The following RAD51B variants were observed in gnomAD, a reference collection of about 807,000 sequenced individuals.
RAD51B encodes DNA repair protein RAD51 homolog 2.
In RAD51B, 38 loss-of-function variants were observed where a neutral mutation model predicts 42.2. That is an observed-to-expected ratio of 0.90 (90% confidence interval 0.70 to 1.18). RAD51B has a LOEUF of 1.18. Ranked by LOEUF, RAD51B falls within the 50% of genes most tolerant of loss-of-function variation. RAD51B has a pLI of 0.00. For synonymous variants in RAD51B, 154 were observed against 145.2 expected (o/e 1.06, Z -0.43); for missense variants, 373 against 400.7 (o/e 0.93, Z 0.59).
At chr14:68,090,246 A>G (rs1192285748) in intron 7 of RAD51B, among the ~76,000 whole-genome samples, 1 of 152,206 alleles carries the variant, frequency 6.6e-6, no homozygotes, top group East Asian at 1.9e-4. Flanking sequence ...GCTCTTGGGA[A>G]CAGATTACTA....
intron 10 of RAD51B, among the ~76,000 whole-genome samples, chr14:68,588,430 C>T (rs2140072556): frequency 6.6e-6 from 1 of 152,306 alleles, no homozygotes; most frequent in African/African-American, 2.4e-5. Context: ...GACTTGTAGT[C>T]CCCTGACCAT....
At chr14:68,552,706 A>G (rs1888640255) in intron 10 of RAD51B, among the ~76,000 whole-genome samples, 1 of 152,156 alleles carries the variant, frequency 6.6e-6, no homozygotes, top group Admixed American at 6.5e-5. Context: ...TGGAAAAAAA[A>G]AGTTAGTAAT....
intron 5 of RAD51B, among the ~76,000 whole-genome samples, chr14:67,878,571 G>T (rs2042803075): frequency 6.6e-6 from 1 of 151,678 alleles, no homozygotes; most frequent in African/African-American, 2.4e-5. Flanking sequence ...TTAATTTTCA[G>T]GGCCCTTAAA....
At chr14:68,338,749 G>A in intron 8 of RAD51B, 1 of 449,730 alleles carries the variant, frequency 2.2e-6, no homozygotes, top group African/African-American at 2.0e-5. Flanking sequence ...CAGTGGCAAA[G>A]TTCTTTAACC....
At chr14:68,020,292 G>A (rs1416774062) in intron 7 of RAD51B, among the ~76,000 whole-genome samples, 3 of 151,724 alleles carry the variant, frequency 2.0e-5, no homozygotes, top group East Asian at 1.9e-4. Flanking sequence ...TATATTTTTC[G>A]TAGAGCCCAG....
chr14:67,831,586 G>C (rs1000895514), intron 3 of RAD51B, among the ~76,000 whole-genome samples: 3 of 152,150 alleles, frequency 2.0e-5, no homozygotes, highest in Non-Finnish European at 4.4e-5. Flanking sequence ...GCCCAGGCTG[G>C]AGTGCAGTGG....
intron 7 of RAD51B, among the ~76,000 whole-genome samples, chr14:68,194,404 G>A (rs910918039): frequency 2.6e-5 from 4 of 152,184 alleles, no homozygotes; most frequent in Middle Eastern, 3.2e-3. Flanking sequence ...AAGACATGGT[G>A]TCTGCCCTTG....
At chr14:68,584,293 T>A (rs561006743) in intron 10 of RAD51B, among the ~76,000 whole-genome samples, 3 of 152,106 alleles carry the variant, frequency 2.0e-5, no homozygotes, top group South Asian at 4.2e-4. Flanking sequence ...TGCCGGAATC[T>A]AGGACCTCCT....
intron 8 of RAD51B, among the ~76,000 whole-genome samples, chr14:68,335,551 C>G (rs1457309109): frequency 1.3e-5 from 2 of 152,098 alleles, no homozygotes; most frequent in Non-Finnish European, 2.9e-5. Context: ...TGGTTTTAAG[C>G]TTGGTGAAGG....
At chr14:68,377,073 C>A (rs1406001292) in intron 8 of RAD51B, among the ~76,000 whole-genome samples, 1 of 152,186 alleles carries the variant, frequency 6.6e-6, no homozygotes, top group African/African-American at 2.4e-5. Context: ...CAAACAGATT[C>A]TTGGAAAACA....
chr14:68,047,805 A>G (rs2076327313), intron 7 of RAD51B, among the ~76,000 whole-genome samples: 1 of 152,232 alleles, frequency 6.6e-6, no homozygotes, highest in South Asian at 2.1e-4. Context: ...AAGAAAATGC[A>G]GACAGCAGAA....
At chr14:68,414,859 TAA>T (rs33968049) in intron 9 of RAD51B, among the ~76,000 whole-genome samples, 4,834 of 71,206 alleles carry the variant, frequency 0.068, 219 homozygotes, top group African/African-American at 0.18. Flanking sequence ...CCATCTCTAC[TAA>T]AAAAAAAAAA....
In RAD51B at chr14:68,092,816, G is replaced by A. The variant is rs558006573; in HGVS notation, c.757-199068G>A. ...AATGCTTCCAGTTTTTGTCCGTTCA[G>A]TATGATATTGGCTGTGGGTTTGTCA... On this transcript the variant is annotated intron_variant, in intron 7 of 10. Transcript: ENST00000471583. 7.9e-5 allele frequency among the ~76,000 whole-genome samples: 12 copies of A among 152,232 alleles called. No individual in the cohort carries two copies. In the East Asian group the frequency reaches 2.1e-3, roughly 27 times the overall value.
chr14:67,939,357 A>G (rs1305015659), intron 7 of RAD51B, among the ~76,000 whole-genome samples: 1 of 152,206 alleles, frequency 6.6e-6, no homozygotes, highest in African/African-American at 2.4e-5. Context: ...CAAATTGTGC[A>G]TGCTTTTGTA....
At chr14:68,146,679 C>T (rs1175837972) in intron 7 of RAD51B, among the ~76,000 whole-genome samples, 3 of 152,146 alleles carry the variant, frequency 2.0e-5, no homozygotes, top group African/African-American at 7.2e-5. Context: ...CGTAGTGGAT[C>T]CTTCATATGA....
intron 7 of RAD51B, among the ~76,000 whole-genome samples, chr14:68,091,558 T>C (rs989457893): frequency 7.2e-5 from 11 of 152,226 alleles, no homozygotes; most frequent in Non-Finnish European, 1.6e-4. Context: ...TATTTTTTTC[T>C]TGTAAATTTG....
intron 4 of RAD51B, among the ~76,000 whole-genome samples, chr14:67,847,750 AT>A (rs1170001745): frequency 5.3e-5 from 8 of 152,186 alleles, no homozygotes; most frequent in African/African-American, 1.9e-4. Context: ...AAGAATGTAT[AT>A]TCTGTGGTTG....
At chr14:68,105,035 T>TC (rs2140563867) in intron 7 of RAD51B, among the ~76,000 whole-genome samples, 1 of 151,966 alleles carries the variant, frequency 6.6e-6, no homozygotes, top group African/African-American at 2.4e-5. Flanking sequence ...GACCACACCC[T>TC]CCCACCCCAA....
intron 7 of RAD51B, among the ~76,000 whole-genome samples, chr14:68,133,588 C>T (rs1160553211): frequency 2.6e-5 from 4 of 152,140 alleles, no homozygotes; most frequent in Non-Finnish European, 4.4e-5. Flanking sequence ...TCTCCTGCCT[C>T]GGCCTCCTGA....
Sources: gnomAD v4.1 joint callset for allele counts (sites outside exome capture counted in the v4.1 genomes callset) on GRCh38, gnomAD v4.1.1 for gene constraint, MANE v1.5 for transcripts, NCBI Gene and HGNC (gene_info 2026-07-23, HGNC 2026-07-21) for gene names.